The following GYS1 variants were observed in gnomAD, a reference collection of about 807,000 sequenced individuals.
The protein encoded by GYS1 is glycogen [starch] synthase, muscle.
A neutral mutation model predicts 89.1 loss-of-function variants in GYS1; 60 were observed. The ratio of observed to expected loss-of-function variants is 0.67; its 90% CI spans 0.55 to 0.84. The LOEUF is 0.84. GYS1 is among the 40% of genes least tolerant of loss of function. The pLI is 0.00. For missense variants in GYS1, 888 were observed against 1,003.1 expected, an observed-to-expected ratio of 0.89 and a Z score of 1.55; for synonymous variants, 366 against 401.7, an observed-to-expected ratio of 0.91 and a Z score of 1.06.
At chr19:48,969,913 A>C (rs2038530851) in intron 14 of GYS1, 58 bp from the exon 15 acceptor site, 1 of 1,183,806 alleles carries the variant, frequency 8.4e-7, no homozygotes, top group Non-Finnish European at 1.3e-6. Context: ...ACCCCCAGGC[A>C]GATGATGGGG....
intron 14 of GYS1, chr19:48,970,184 G>A: frequency 4.3e-6 from 2 of 466,810 alleles, no homozygotes; most frequent in Non-Finnish European, 3.9e-6. Context: ...AGTGCAGTGG[G>A]TTTGAACAAG....
chr19:48,993,073 CTGG>C lies in GYS1; in HGVS notation c.37_39del (p.Pro13del). The C allele has an allele frequency of 6.2e-7, 1 of 1,613,240 alleles. No homozygotes were observed. The highest frequency in any genetic ancestry group is 1.3e-5 in the African/African-American group (1 of 75,034). ...AATTCATCCTCCCAGTCCTCCAGTC[CTGG>C]CAGTGAGGACATGGACAAAGTGCGG... On this transcript the variant is annotated inframe_deletion, in exon 1 of 16. Transcript: ENST00000323798.
chr19:48,981,641 G>A lies in GYS1; in HGVS notation c.1063-5C>T, dbSNP rs776549260. 2.8e-5 allele frequency: 44 copies of A among 1,593,432 alleles called. No individual in the cohort carries two copies. Among genetic ancestry groups the A allele is most frequent in the Admixed American group, 1.7e-5 (1 of 59,950 alleles). The stretch of plus-strand genomic sequence containing the variant: ...TGTCTGCTCGCTGCCGTTCACCTGC[G>A]CAGAAAGAAAGGAGGGGGAGGCCAG... On this transcript the variant is annotated splice_region_variant and splice_polypyrimidine_tract_variant and intron_variant, in intron 7 of 15. Transcript: ENST00000323798.
intron 10 of GYS1, 94 bp from the exon 11 acceptor site, chr19:48,974,827 G>A: frequency 2.4e-6 from 2 of 829,114 alleles, no homozygotes; most frequent in South Asian, 1.4e-5. Flanking sequence ...GAGCCAAGGA[G>A]ACCACAAATG....
intron 12 of GYS1, 130 bp from the exon 13 acceptor site, chr19:48,971,153 G>C: frequency 1.4e-6 from 1 of 730,772 alleles, no homozygotes; most frequent in Non-Finnish European, 2.5e-6. Flanking sequence ...GAGCGTCGCT[G>C]AGCCCCCACA....
In GYS1 at chr19:48,991,411, A is replaced by G. The variant is rs1296091397; in HGVS notation, c.191T>C (p.Leu64Pro). Residue 64 changes from leucine to proline, a missense_variant, in exon 2 of 16, where the codon CTG becomes CCG. By Grantham distance (98) the Leu-to-Pro change is moderately conservative (BLOSUM62 -3). Transcript: ENST00000323798. The surrounding 1 kb of genome is among the most constrained non-coding windows in gnomAD (Gnocchi z 4.7). ...GCCCTGCTCCGTGTACGGCCCCACC[A>G]GGAAGTAGTTGTCGCCCCATTCGTC... ...TGDEWGDNYF[L>P]VGPYTEQGVR... The G allele has an allele frequency of 6.2e-7, 1 of 1,614,010 alleles. No homozygotes were observed. The highest frequency in any genetic ancestry group is 1.3e-5 in the African/African-American group (1 of 74,918).
intron 8 of GYS1, among the ~76,000 whole-genome samples, chr19:48,979,893 C>T (rs894085888): frequency 1.1e-4 from 16 of 151,840 alleles, no homozygotes; most frequent in African/African-American, 3.1e-4. Flanking sequence ...GTGATCCACC[C>T]GCCTCGGCCT....
chr19:48,987,965 T>A (rs1174547622), intron 2 of GYS1, among the ~76,000 whole-genome samples: 1 of 152,132 alleles, frequency 6.6e-6, no homozygotes, highest in East Asian at 1.9e-4. Context: ...CACGCCCGGC[T>A]ACTTTTTTTT....
At chr19:48,979,872 C>G (rs1371918732) in intron 8 of GYS1, among the ~76,000 whole-genome samples, 1 of 151,692 alleles carries the variant, frequency 6.6e-6, no homozygotes, top group East Asian at 1.9e-4. Context: ...GTCTCAAACT[C>G]CCGACCTCAG....
intron 7 of GYS1, 129 bp from the exon 8 acceptor site, chr19:48,981,765 C>G: frequency 1.5e-6 from 1 of 663,342 alleles, no homozygotes; most frequent in Non-Finnish European, 2.7e-6. Flanking sequence ...AGGACAGTCC[C>G]CACCTGGACT....
At chr19:48,973,004 A>G (rs955391853) in intron 12 of GYS1, among the ~76,000 whole-genome samples, 2 of 152,094 alleles carry the variant, frequency 1.3e-5, no homozygotes, top group Admixed American at 6.6e-5. Flanking sequence ...TTAAATATAT[A>G]TTTATGATAT....
intron 10 of GYS1, among the ~76,000 whole-genome samples, chr19:48,976,246 A>G (rs1030440677): frequency 6.6e-6 from 1 of 152,160 alleles, no homozygotes; most frequent in African/African-American, 2.4e-5. Context: ...TTGTTTCTAC[A>G]ACTTAGCTGT....
chr19:48,973,641 C>T (rs966820220), intron 12 of GYS1, among the ~76,000 whole-genome samples: 5 of 151,696 alleles, frequency 3.3e-5, no homozygotes, highest in Non-Finnish European at 5.9e-5. Context: ...GCCTCAGCCT[C>T]CCAAGTAGCT....
chr19:48,985,724 G>T, intron 4 of GYS1, 119 bp from the exon 5 acceptor site: 1 of 1,495,692 alleles, frequency 6.7e-7, no homozygotes, highest in Non-Finnish European at 9.3e-7. Flanking sequence ...TCTGAGGTAG[G>T]AGGGGTCTGG....
In GYS1 at chr19:48,970,991, AG is replaced by A; in HGVS notation, c.1581del (p.Ser528ProfsTer74). On this transcript the variant is annotated frameshift_variant, in exon 13 of 16. Transcript: ENST00000323798. LOFTEE classifies it high-confidence loss of function. ...CAGCCGAAGCCGGAGAGATTGGTGG[AG>A]ATACTGGGGATTCCCATAACCGTGC... ...AECTVMGIPS[I>X]STNLSGFGCF... 6.2e-7 allele frequency: 1 copy of A among 1,614,006 alleles called. No homozygotes were observed. Among genetic ancestry groups the A allele is most frequent in the Non-Finnish European group, 8.5e-7 (1 of 1,179,878 alleles).
chr19:48,974,722 GA>G lies in GYS1; in HGVS notation c.1319del (p.Phe440SerfsTer18). The part of the protein sequence containing the change: ...RAIFATQRQS[F>X]PPVCTHNMLD... ...GCATATTGTGGGTGCACACAGGGGG[GA>G]AAGACTGCCGCTGCAGGAGCCACAA... On this transcript the variant is annotated frameshift_variant, in exon 11 of 16. Coordinates refer to ENST00000323798, the MANE Select transcript of GYS1 (RefSeq NM_002103.5). LOFTEE classifies it high-confidence loss of function. 6.2e-7 allele frequency: 1 copy of G among 1,611,292 alleles called. No individual in the cohort carries two copies. The highest frequency in any genetic ancestry group is 8.5e-7 in the Non-Finnish European group (1 of 1,177,654).
intron 2 of GYS1, 41 bp from the exon 3 acceptor site, chr19:48,987,426 C>T (rs886127492): frequency 1.4e-6 from 2 of 1,474,710 alleles, no homozygotes; most frequent in Admixed American, 2.1e-5. Context: ...AGGCTCTGGG[C>T]TTCAGCCTCA....
At chr19:48,969,646 G>C (rs780839107) in intron 15 of GYS1, 35 bp from the exon 16 acceptor site, 1 of 1,564,896 alleles carries the variant, frequency 6.4e-7, no homozygotes, top group Non-Finnish European at 8.6e-7. Flanking sequence ...ACCAGGGTGA[G>C]CTGAGGACCT....
At chr19:48,969,888 T>C in intron 14 of GYS1, 33 bp from the exon 15 acceptor site, 1 of 1,510,760 alleles carries the variant, frequency 6.6e-7, no homozygotes. Context: ...GCAGAGGATG[T>C]GAGAGCCAGG....
Sources: gnomAD v4.1 joint callset for allele counts (sites outside exome capture counted in the v4.1 genomes callset) on GRCh38, gnomAD v4.1.1 for gene constraint, Gnocchi (gnomAD v3.1) non-coding constraint, MANE v1.5 for transcripts, NCBI Gene and HGNC (gene_info 2026-07-23, HGNC 2026-07-21) for gene names.